The following SMAD3 variants were observed in gnomAD, a reference collection of about 807,000 sequenced individuals.
The protein encoded by SMAD3 is SMAD family member 3.
Under a neutral mutation model 51.8 loss-of-function variants are expected in SMAD3, and 12 were observed. That is an observed-to-expected ratio of 0.23 (90% CI 0.15 to 0.38). The LOEUF (loss-of-function observed/expected upper bound fraction) is 0.38. Among genes scored for constraint, SMAD3 ranks in the 10% least tolerant of loss-of-function variants. The pLI is 1.00. For missense variants in SMAD3, 294 were observed against 565.6 expected (o/e 0.52, Z 4.87); for synonymous variants, 238 against 227.7 (o/e 1.05, Z -0.41).
Position 67,065,717 on chromosome 15 carries a change from C to A in SMAD3, c.-438C>A, listed in dbSNP as rs565790696. On this transcript the variant is annotated 5_prime_UTR_variant, in exon 1 of 9. Transcript: ENST00000327367. ...GAGGAGGGTGGCGGGGCGGTGAGGC[C>A]GCAGAGGCGGAGGGATCTGCGCATC... 6.9e-4 allele frequency: 137 copies of A among 199,578 alleles called. No individual in the cohort carries two copies. Among genetic ancestry groups the A allele is most frequent in the African/African-American group, 3.1e-3 (134 of 43,452 alleles). 12.4% of individuals were successfully genotyped at this position (199,578 alleles called of 1,614,324 possible). A position where few individuals can be genotyped will look rare whatever the true frequency, so the allele number is the denominator to read the frequency against.
In SMAD3 at chr15:67,175,602, T is replaced by G. The variant is rs1409010658; in HGVS notation, c.658+4998T>G. Among the ~76,000 whole-genome samples the G allele has an allele frequency of 4.6e-5, 7 of 152,302 alleles. 1 individual carries two copies. In the East Asian group the frequency reaches 1.4e-3, roughly 29 times the overall value. On this transcript the variant is annotated intron_variant, in intron 5 of 8. Transcript: ENST00000327367. ...AGGACCCTCCCCCCAGGGTGCCACT[T>G]TGCACTGGCCTAGTTGCACCTCTGC... is the stretch of plus-strand genomic sequence containing the variant.
At position 67,088,903 on chromosome 15, in the gene SMAD3, G is replaced by A. The variant is rs567920378; in HGVS notation, c.206+22543G>A. Among the ~76,000 whole-genome samples, 20 of 152,302 alleles carry A rather than the reference G, an allele frequency of 1.3e-4. No individual in the cohort carries two copies. The South Asian group carries it at 2.1e-3, about 16-fold the overall frequency. Reference sequence around the variant, plus strand: ...GATCACGCCACTGCACTTGAGCCTGGGCAACAGAGCCAGACTCTGTCTTAA... The same window carrying A: ...GATCACGCCACTGCACTTGAGCCTGAGCAACAGAGCCAGACTCTGTCTTAA... On this transcript the variant is annotated intron_variant, in intron 1 of 8. Transcript: ENST00000327367.
In SMAD3 at chr15:67,191,545, T is replaced by C. The variant is rs1963365252; in HGVS notation, c.*1009T>C. 1 of 233,182 alleles carries C rather than the reference T, an allele frequency of 4.3e-6. No homozygotes were observed. Among genetic ancestry groups the C allele is most frequent in the Admixed American group, 5.6e-5 (1 of 17,786 alleles). The allele number at this position is 233,182 out of a possible 1,614,324, so 14.4% of individuals were successfully genotyped here. A position where few individuals can be genotyped will look rare whatever the true frequency, so the allele number is the denominator to read the frequency against. ...TTAAATGTTTGGTTTATATATTTTC[T>C]TTAAAAATCCTGGGCTGGCACATTG... is the stretch of plus-strand genomic sequence containing the variant. On this transcript the variant is annotated 3_prime_UTR_variant, in exon 9 of 9. Coordinates refer to ENST00000327367, the MANE Select transcript of SMAD3 (RefSeq NM_005902.4).
At chr15:67,111,815 T>G (rs1961020123) in intron 1 of SMAD3, among the ~76,000 whole-genome samples, 1 of 152,200 alleles carries the variant, frequency 6.6e-6, no homozygotes, top group Non-Finnish European at 1.5e-5. Context: ...TGAGATTGAG[T>G]CTTGCTGGGA....
chr15:67,181,184 G>A (rs1963042480), intron 5 of SMAD3, 57 bp from the exon 6 acceptor site: 13 of 1,341,746 alleles, frequency 9.7e-6, no homozygotes, highest in South Asian at 7.2e-5. Context: ...GGACCCCATC[G>A]AGGGAGCATG....
intron 1 of SMAD3, chr15:67,099,113 T>C: frequency 1.5e-6 from 1 of 672,780 alleles, no homozygotes; most frequent in South Asian, 1.6e-5. Context: ...GACTTCTGCA[T>C]TCCTGGGAAT....
At chr15:67,073,977 A>G (rs1960112747) in intron 1 of SMAD3, among the ~76,000 whole-genome samples, 1 of 152,198 alleles carries the variant, frequency 6.6e-6, no homozygotes, top group Non-Finnish European at 1.5e-5. Flanking sequence ...CCGGCCACAT[A>G]CAAACATTTT....
At chr15:67,067,101 TC>T (rs1959942260) in intron 1 of SMAD3, among the ~76,000 whole-genome samples, 1 of 133,698 alleles carries the variant, frequency 7.5e-6, no homozygotes, top group Non-Finnish European at 1.6e-5. Context: ...CTTCTTTTGG[TC>T]CAAGAGATTT....
chr15:67,105,207 G>A (rs1299745201), intron 1 of SMAD3, among the ~76,000 whole-genome samples: 1 of 152,210 alleles, frequency 6.6e-6, no homozygotes, highest in Admixed American at 6.5e-5. Flanking sequence ...TTACTCCTTA[G>A]TAAACAAAAA....
intron 1 of SMAD3, among the ~76,000 whole-genome samples, chr15:67,159,286 G>T (rs1257986054): frequency 1.3e-5 from 2 of 152,096 alleles, no homozygotes; most frequent in African/African-American, 2.4e-5. Flanking sequence ...GGCCAGGCTG[G>T]TCTTGAATTC....
At chr15:67,165,834 G>C (rs529082462) in intron 3 of SMAD3, among the ~76,000 whole-genome samples, 10 of 152,354 alleles carry the variant, frequency 6.6e-5, no homozygotes, top group Non-Finnish European at 1.3e-4. Flanking sequence ...TCCAACCTGG[G>C]TGGGAATTGA....
At chr15:67,122,426 C>T (rs1050224717) in intron 1 of SMAD3, among the ~76,000 whole-genome samples, 11 of 152,144 alleles carry the variant, frequency 7.2e-5, no homozygotes, top group South Asian at 2.1e-4. Flanking sequence ...GACTGCTTTC[C>T]GTACGGTAAT....
At chr15:67,072,443 T>C (rs147775899) in intron 1 of SMAD3, among the ~76,000 whole-genome samples, 74 of 152,374 alleles carry the variant, frequency 4.9e-4, no homozygotes, top group African/African-American at 7.2e-4. Flanking sequence ...TTCTCTAAGA[T>C]TGGAATGCAG....
chr15:67,098,051 G>A (rs1960653469), intron 1 of SMAD3, among the ~76,000 whole-genome samples: 1 of 152,176 alleles, frequency 6.6e-6, no homozygotes, highest in South Asian at 2.1e-4. Context: ...GTCAAATGGA[G>A]CATTCGTGGG....
Position 67,145,340 on chromosome 15 carries a change from G to A in SMAD3, c.207-19555G>A, listed in dbSNP as rs28617264. On this transcript the variant is annotated intron_variant, in intron 1 of 8. Coordinates refer to ENST00000327367, the MANE Select transcript of SMAD3 (RefSeq NM_005902.4). ...ACCTTCATTTTCACAATCCACGAAGGGGGGAGTTTGAAGAAGGCTTGGCAA... is the reference window on the plus strand; with the variant it reads ...ACCTTCATTTTCACAATCCACGAAGAGGGGAGTTTGAAGAAGGCTTGGCAA... Among the ~76,000 whole-genome samples, 586 of 152,264 alleles carry A rather than the reference G, an allele frequency of 3.8e-3. 10 individuals are homozygous for A. In the East Asian group the frequency reaches 0.049, roughly 13 times the overall value.
intron 1 of SMAD3, chr15:67,098,823 C>G: frequency 1.4e-6 from 1 of 696,732 alleles, no homozygotes; most frequent in South Asian, 1.5e-5. Flanking sequence ...GGTCTGAGGG[C>G]CCACTGTTGC....
intron 1 of SMAD3, 124 bp from the exon 2 acceptor site, chr15:67,164,771 C>G: frequency 9.6e-7 from 1 of 1,041,460 alleles, no homozygotes; most frequent in Non-Finnish European, 1.5e-6. Context: ...TCCTGGACCT[C>G]TGGATCTGGG....
Position 67,165,307 on chromosome 15 carries a change from C to T in SMAD3, c.455C>T (p.Pro152Leu). The change falls in exon 3 of 9, where the codon CCA becomes CTA. Residue 152 changes from proline to leucine, a missense_variant. Coordinates refer to ENST00000327367, the MANE Select transcript of SMAD3 (RefSeq NM_005902.4). ...ACAGAGATCCCGGCCGAGTTCCCCC[C>T]ACTGGACGACTACAGCCATTCCATC... ...RHTEIPAEFP[P>L]LDDYSHSIPE... 6.2e-7 allele frequency: 1 copy of T among 1,614,216 alleles called. No individual in the cohort carries two copies. The highest frequency in any genetic ancestry group is 1.1e-5 in the South Asian group (1 of 91,082).
chr15:67,092,897 G>A (rs1314731559), intron 1 of SMAD3, among the ~76,000 whole-genome samples: 2 of 152,164 alleles, frequency 1.3e-5, no homozygotes, highest in African/African-American at 4.8e-5. Context: ...GGAAGGAGGT[G>A]TGGCAATAAC....
Sources: gnomAD v4.1 joint callset for allele counts (sites outside exome capture counted in the v4.1 genomes callset) on GRCh38, gnomAD v4.1.1 for gene constraint, MANE v1.5 for transcripts, NCBI Gene and HGNC (gene_info 2026-07-23, HGNC 2026-07-21) for gene names.